SLIT1: variants seen among roughly 807,000 people sequenced by gnomAD.
SLIT1 encodes slit guidance ligand 1, also known as slit homolog 1 protein.
In SLIT1, 66 loss-of-function variants were observed where a neutral mutation model predicts 186.1. The ratio of observed to expected loss-of-function variants is 0.35; its 90% CI spans 0.29 to 0.44. The LOEUF (loss-of-function observed/expected upper bound fraction) is 0.44, where lower values mean the gene tolerates loss of function less well. SLIT1 is among the 20% of genes least tolerant of loss of function. SLIT1 has a pLI of 1.00. For synonymous variants in SLIT1, 761 were observed against 833.8 expected, an observed-to-expected ratio of 0.91 and a Z score of 1.50; for missense variants, 1,638 against 2,037.4, an observed-to-expected ratio of 0.80 and a Z score of 3.77.
Position 97,004,173 on chromosome 10 carries a change from A to G in SLIT1, c.3760T>C (p.Phe1254Leu). 1 of 1,613,918 alleles carries G rather than the reference A, an allele frequency of 6.2e-7. No homozygotes were observed. Reference protein sequence around the residue: ...GQFHTVELVAFDQMVNLSIDG... With the variant: ...GQFHTVELVALDQMVNLSIDG... ...ATGGAGAGATTCACCATCTGGTCAA[A>G]GGCAACCAGCTCAACGGTGTGGAAT... Residue 1254 changes from phenylalanine to leucine, a missense_variant, in exon 34 of 37, where the codon TTT (phenylalanine) becomes CTT (leucine). Phe to Leu is a conservative substitution (Grantham distance 22). Coordinates refer to ENST00000266058, the MANE Select transcript of SLIT1 (RefSeq NM_003061.3). The surrounding 1 kb of genome is among the most constrained non-coding windows in gnomAD (Gnocchi z 5.1).
At chr10:97,095,774 G>T (rs1029962666) in intron 4 of SLIT1, among the ~76,000 whole-genome samples, 1 of 152,192 alleles carries the variant, frequency 6.6e-6, no homozygotes, top group African/African-American at 2.4e-5. Context: ...TGCACCAGGT[G>T]TGTGACCTTG....
intron 21 of SLIT1, among the ~76,000 whole-genome samples, chr10:97,038,060 C>T: frequency 6.6e-6 from 1 of 152,170 alleles, no homozygotes. Flanking sequence ...ATGGACACTC[C>T]CTGGGCCCCT....
intron 4 of SLIT1, among the ~76,000 whole-genome samples, chr10:97,130,505 A>T (rs1849643224): frequency 6.6e-6 from 1 of 152,232 alleles, no homozygotes; most frequent in African/African-American, 2.4e-5. Flanking sequence ...AGCCAGTCGC[A>T]AAAGGACAAA....
At chr10:97,027,718 T>C (rs1247123691) in intron 25 of SLIT1, among the ~76,000 whole-genome samples, 1 of 152,240 alleles carries the variant, frequency 6.6e-6, no homozygotes, top group Non-Finnish European at 1.5e-5. Context: ...CAACATTTGT[T>C]TTTGCAGCTT....
Position 97,063,551 on chromosome 10 carries a change from G to T in SLIT1, c.697C>A (p.Arg233=). 1 of 1,612,966 alleles carries T rather than the reference G, an allele frequency of 6.2e-7. No homozygotes were observed. Among genetic ancestry groups the T allele is most frequent in the East Asian group, 2.2e-5 (1 of 44,862 alleles). The part of the protein sequence containing the change: ...LAWLSQWLRQ[R]PTIGLFTQCS... ...TGGGTGAAGAGCCCGATGGTTGGCC[G>T]CTGCCTCAGCCACTGCGAGAGCCAG... Residue 233 remains arginine (R), a synonymous_variant, in exon 8 of 37, where the codon CGG becomes AGG. Transcript: ENST00000266058.
intron 10 of SLIT1, 123 bp from the exon 11 acceptor site, chr10:97,059,654 T>C: frequency 2.7e-6 from 2 of 742,888 alleles, no homozygotes; most frequent in Non-Finnish European, 4.8e-6. Context: ...ATGAGAATAG[T>C]GAGAGGCCAG....
At chr10:97,099,957 G>A (rs1371895628) in intron 4 of SLIT1, among the ~76,000 whole-genome samples, 11 of 152,210 alleles carry the variant, frequency 7.2e-5, no homozygotes, top group Non-Finnish European at 1.6e-4. Flanking sequence ...TGTCTTATCT[G>A]TATTTAAAAT....
chr10:97,087,018 A>G (rs1849167286), intron 4 of SLIT1, among the ~76,000 whole-genome samples: 1 of 152,030 alleles, frequency 6.6e-6, no homozygotes, highest in South Asian at 2.1e-4. Flanking sequence ...GGGATGGGGT[A>G]AATTGGGAAT....
At chr10:97,035,594 C>A (rs1376044451) in intron 22 of SLIT1, among the ~76,000 whole-genome samples, 1 of 152,222 alleles carries the variant, frequency 6.6e-6, no homozygotes, top group African/African-American at 2.4e-5. Flanking sequence ...TCATCTCTCA[C>A]CCACTGCTTT....
chr10:97,105,243 C>T (rs1247351783), intron 4 of SLIT1, among the ~76,000 whole-genome samples: 3 of 152,182 alleles, frequency 2.0e-5, no homozygotes, highest in African/African-American at 2.4e-5. Context: ...CATTCACCAC[C>T]GTCTCTGAAC....
At chr10:97,055,967 C>T (rs1848832477) in intron 13 of SLIT1, among the ~76,000 whole-genome samples, 1 of 152,154 alleles carries the variant, frequency 6.6e-6, no homozygotes, top group African/African-American at 2.4e-5. Flanking sequence ...ATCATCATCA[C>T]CATCAATATT....
chr10:97,111,773 C>T (rs1422215830), intron 4 of SLIT1, among the ~76,000 whole-genome samples: 1 of 152,202 alleles, frequency 6.6e-6, no homozygotes, highest in Non-Finnish European at 1.5e-5. Flanking sequence ...CATGAACACA[C>T]ACTTCTGTCT....
intron 2 of SLIT1, among the ~76,000 whole-genome samples, chr10:97,164,357 G>A (rs188523203): frequency 1.9e-4 from 29 of 152,238 alleles, no homozygotes; most frequent in African/African-American, 5.8e-4. Flanking sequence ...AGAGGCTCCC[G>A]CTGGAGGCCT....
intron 4 of SLIT1, among the ~76,000 whole-genome samples, chr10:97,078,821 G>A (rs547471944): frequency 1.3e-5 from 2 of 152,318 alleles, no homozygotes; most frequent in South Asian, 4.1e-4. Context: ...ACCAGGTGCT[G>A]GGCGCGGAGA....
In SLIT1 at chr10:97,163,524, C is replaced by T. The variant is rs894898462; in HGVS notation, c.270-73G>A. 1.7e-5 allele frequency: 23 copies of T among 1,354,462 alleles called. No individual in the cohort carries two copies. In the Admixed American group the frequency reaches 3.0e-4, roughly 18 times the overall value. The allele number at this position is 1,354,462 out of a possible 1,614,324, so 83.9% of individuals were successfully genotyped here. ...CTGCTAGAAACAGCTGGCACAACGG[C>T]GGGGCAGAGGCAACCTCTGCCAGGG... On this transcript the variant is annotated intron_variant, in intron 2 of 36. Transcript: ENST00000266058.
At chr10:97,166,552 A>AG (rs1412190720) in intron 1 of SLIT1, among the ~76,000 whole-genome samples, 1,794 of 55,794 alleles carry the variant, frequency 0.032, 90 homozygotes, top group Non-Finnish European at 0.053. Flanking sequence ...GGAAGGAAGG[A>AG]AGGAAAGAGA....
At position 97,064,834 on chromosome 10, in the gene SLIT1, G is replaced by A; in HGVS notation, c.528C>T (p.Ala176=). 1 of 1,612,206 alleles carries A rather than the reference G, an allele frequency of 6.2e-7. No individual in the cohort carries two copies. Among genetic ancestry groups the A allele is most frequent in the African/African-American group, 1.3e-5 (1 of 74,948 alleles). Residue 176 remains alanine (A), a synonymous_variant, in exon 6 of 37, where the codon GCC becomes GCT. Transcript: ENST00000266058. ...CCTCCAGCCCCCGCAGAGCACGGAAGGCCCCTTCCTCAATGCAGCTGATCT... is the reference window on the plus strand; with the variant it reads ...CCTCCAGCCCCCGCAGAGCACGGAAAGCCCCTTCCTCAATGCAGCTGATCT... ...KNQISCIEEG[A]FRALRGLEVL...
At chr10:97,089,667 A>G (rs914739485) in intron 4 of SLIT1, among the ~76,000 whole-genome samples, 6 of 151,642 alleles carry the variant, frequency 4.0e-5, no homozygotes, top group African/African-American at 1.2e-4. Flanking sequence ...GTCCTTACTC[A>G]TGGCTGGGGG....
In SLIT1 at chr10:97,068,985, C is replaced by T. The variant is rs1365851568; in HGVS notation, c.414-2899G>A. Among the ~76,000 whole-genome samples the T allele has an allele frequency of 6.6e-6, 1 of 152,206 alleles. No homozygotes were observed. Among genetic ancestry groups the T allele is most frequent in the Non-Finnish European group, 1.5e-5 (1 of 68,038 alleles). On this transcript the variant is annotated intron_variant, in intron 4 of 36. Coordinates refer to ENST00000266058, the MANE Select transcript of SLIT1 (RefSeq NM_003061.3). The surrounding 1 kb of genome is among the most constrained non-coding windows in gnomAD (Gnocchi z 4.2). ...CTAGAGAGTTCCTTGGCTGCCACAT[C>T]CTCTTCTTAGTGTCTCTGCTTCATA... is the stretch of plus-strand genomic sequence containing the variant.
Sources: gnomAD v4.1 joint callset for allele counts (sites outside exome capture counted in the v4.1 genomes callset) on GRCh38, gnomAD v4.1.1 for gene constraint, Gnocchi (gnomAD v3.1) non-coding constraint, MANE v1.5 for transcripts, NCBI Gene and HGNC (gene_info 2026-07-23, HGNC 2026-07-21) for gene names.